FBN1: variants seen among roughly 807,000 people sequenced by gnomAD.
The protein encoded by FBN1 is fibrillin 1.
FBN1 carries 29 observed loss-of-function variants against 365.1 expected under a neutral mutation model. The ratio of observed to expected loss-of-function variants is 0.08; its 90% confidence interval spans 0.06 to 0.11. The LOEUF (loss-of-function observed/expected upper bound fraction) is 0.11, where lower values mean the gene tolerates loss of function less well. Among genes scored for constraint, FBN1 ranks in the 10% least tolerant of loss-of-function variants. The probability of loss-of-function intolerance (pLI) is 1.00; values close to 1 mark genes in which losing one functional copy is unlikely to be tolerated. For missense variants in FBN1, 2,476 were observed against 3,703.2 expected (o/e 0.67, Z 8.60); for synonymous variants, 1,210 against 1,270.5 (o/e 0.95, Z 1.01).
At chr15:48,484,170 C>A (rs1272733561) in intron 30 of FBN1, among the ~76,000 whole-genome samples, 1 of 152,148 alleles carries the variant, frequency 6.6e-6, no homozygotes. Flanking sequence ...GCAACGTCCA[C>A]ACCTGCTTAA....
intron 2 of FBN1, among the ~76,000 whole-genome samples, chr15:48,630,040 G>A (rs1284509145): frequency 6.6e-6 from 1 of 152,166 alleles, no homozygotes; most frequent in African/African-American, 2.4e-5. Flanking sequence ...TACTAAATAA[G>A]GTTACAGTTC....
chr15:48,504,523 G>C (rs1410085420), intron 16 of FBN1, among the ~76,000 whole-genome samples: 1 of 152,106 alleles, frequency 6.6e-6, no homozygotes, highest in African/African-American at 2.4e-5. Context: ...AATTCAAATG[G>C]CTTACTGAGT....
chr15:48,546,188 C>T (rs191781013), intron 6 of FBN1, among the ~76,000 whole-genome samples: 2 of 152,288 alleles, frequency 1.3e-5, no homozygotes, highest in Admixed American at 6.5e-5. Flanking sequence ...AATAGCACAA[C>T]ATAAAACCTC....
Position 48,505,081 on chromosome 15 carries a change from T to C in FBN1, c.1904A>G (p.Tyr635Cys), listed in dbSNP as rs1555399816. 1 of 1,614,184 alleles carries C rather than the reference T, an allele frequency of 6.2e-7. No homozygotes were observed. The highest frequency in any genetic ancestry group is 8.5e-7 in the Non-Finnish European group (1 of 1,180,014). ...CAGTCCAGGGAAGCATTCACATCTG[T>C]AGGAGCCATCAGTGTTGACGCAACG... is the stretch of plus-strand genomic sequence containing the variant. ...NGRCVNTDGS[Y>C]RCECFPGLAV... The change falls in exon 16 of 66, where the codon TAC becomes TGC. Residue 635 changes from tyrosine (Y) to cysteine (C), a missense_variant. Transcript: ENST00000316623.
rs774287739 is a variant in FBN1, at chr15:48,472,666, C to G, written c.4221G>C (p.Glu1407Asp). ...CACAGAGATTCAGGTTCTCAGAGCA[C>G]TCATCAAGGTCTACAGCCAGAAAGA... Reference protein sequence around the residue: ...GDGFTCTDLDECSENLNLCGN... With the variant: ...GDGFTCTDLDDCSENLNLCGN... The change falls in exon 35 of 66, where the codon GAG becomes GAC. Residue 1407 changes from glutamate to aspartate, a missense_variant. By Grantham distance (45) the Glu-to-Asp change is conservative. Coordinates refer to ENST00000316623, the MANE Select transcript of FBN1 (RefSeq NM_000138.5). 6.2e-7 allele frequency: 1 copy of G among 1,614,154 alleles called. No individual in the cohort carries two copies. The highest frequency in any genetic ancestry group is 8.5e-7 in the Non-Finnish European group (1 of 1,180,008).
intron 40 of FBN1, among the ~76,000 whole-genome samples, chr15:48,465,345 G>A (rs2043312088): frequency 6.6e-6 from 1 of 152,194 alleles, no homozygotes; most frequent in Admixed American, 6.5e-5. Flanking sequence ...ATAAGATTCT[G>A]TTTTTCTCAG....
chr15:48,461,797 A>G (rs1045811903), intron 42 of FBN1, among the ~76,000 whole-genome samples: 1 of 152,232 alleles, frequency 6.6e-6, no homozygotes, highest in Non-Finnish European at 1.5e-5. Flanking sequence ...CAATATGGAA[A>G]TAAATTAGTG....
At chr15:48,461,171 C>A (rs781517378) in intron 42 of FBN1, among the ~76,000 whole-genome samples, 4 of 152,186 alleles carry the variant, frequency 2.6e-5, no homozygotes. Flanking sequence ...AACACTGTAA[C>A]GCCAGCTGAC....
chr15:48,498,375 G>C (rs2043625764), intron 18 of FBN1, among the ~76,000 whole-genome samples: 2 of 152,036 alleles, frequency 1.3e-5, no homozygotes, highest in South Asian at 4.1e-4. Flanking sequence ...AGATCTCCCT[G>C]AATCAAACTA....
At chr15:48,523,713 G>C (rs1034881850) in intron 9 of FBN1, among the ~76,000 whole-genome samples, 7 of 111,154 alleles carry the variant, frequency 6.3e-5, no homozygotes, top group Admixed American at 3.5e-4. Context: ...GGGTGGCTGG[G>C]GGGGGGGGGG....
At chr15:48,439,923 A>C (rs2043100082) in intron 50 of FBN1, among the ~76,000 whole-genome samples, 1 of 152,162 alleles carries the variant, frequency 6.6e-6, no homozygotes, top group South Asian at 2.1e-4. Flanking sequence ...TCGCTTTTTA[A>C]AAAACATTAT....
chr15:48,547,476 T>C (rs199562302), intron 6 of FBN1, among the ~76,000 whole-genome samples: 1 of 152,182 alleles, frequency 6.6e-6, no homozygotes, highest in East Asian at 1.9e-4. Context: ...CATTCCATGA[T>C]AGCATCAATT....
At chr15:48,541,544 C>A (rs146146225) in intron 6 of FBN1, among the ~76,000 whole-genome samples, 2 of 152,214 alleles carry the variant, frequency 1.3e-5, no homozygotes, top group East Asian at 3.9e-4. Context: ...AATGTCATTC[C>A]GATTTGGCGG....
intron 7 of FBN1, 62 bp from the exon 8 acceptor site, chr15:48,534,267 A>T (rs991665293): frequency 6.5e-7 from 1 of 1,531,570 alleles, no homozygotes; most frequent in Non-Finnish European, 8.9e-7. Flanking sequence ...ATTGCAGAAT[A>T]AAATGTGATA....
At chr15:48,572,688 T>A (rs912621236) in intron 6 of FBN1, among the ~76,000 whole-genome samples, 1 of 152,044 alleles carries the variant, frequency 6.6e-6, no homozygotes, top group Non-Finnish European at 1.5e-5. Context: ...CATAGTAAAT[T>A]GACAAGATTA....
At chr15:48,486,941 G>C in intron 29 of FBN1, 134 bp downstream of exon 29, 2 of 635,972 alleles carry the variant, frequency 3.1e-6, no homozygotes, top group Non-Finnish European at 4.5e-6. Context: ...TAAAAGTAGC[G>C]ATGAAAACAA....
chr15:48,610,667 A>G (rs1597631523), intron 4 of FBN1, 61 bp downstream of exon 4: 2 of 1,270,684 alleles, frequency 1.6e-6, no homozygotes, highest in African/African-American at 1.5e-5. Context: ...AATCAAATTT[A>G]GGAGAAAATG....
intron 6 of FBN1, among the ~76,000 whole-genome samples, chr15:48,586,563 G>T (rs2044436590): frequency 6.6e-6 from 1 of 152,166 alleles, no homozygotes; most frequent in Non-Finnish European, 1.5e-5. Context: ...TAAAAACTAG[G>T]AAGTTATCGG....
At chr15:48,533,034 T>C (rs1307346142) in intron 8 of FBN1, among the ~76,000 whole-genome samples, 1 of 152,218 alleles carries the variant, frequency 6.6e-6, no homozygotes, top group Non-Finnish European at 1.5e-5. Flanking sequence ...ATGTCTTACA[T>C]GTAACTTATG....
Sources: gnomAD v4.1 joint callset for allele counts (sites outside exome capture counted in the v4.1 genomes callset) on GRCh38, gnomAD v4.1.1 for gene constraint, MANE v1.5 for transcripts, NCBI Gene and HGNC (gene_info 2026-07-23, HGNC 2026-07-21) for gene names.